The following PRKAR1A variants were observed in gnomAD, a reference collection of about 807,000 sequenced individuals.
PRKAR1A encodes the protein protein kinase cAMP-dependent type I regulatory subunit alpha, also known as cAMP-dependent protein kinase type I-alpha regulatory subunit.
A neutral mutation model predicts 52.0 loss-of-function variants in PRKAR1A; 3 were observed. The observed-to-expected ratio is 0.06, with a 90% CI of 0.03 to 0.15. The LOEUF (loss-of-function observed/expected upper bound fraction) is 0.15, where lower values mean the gene tolerates loss of function less well. Ranked by LOEUF, PRKAR1A falls within the 10% of genes least tolerant of loss-of-function variation. The probability of loss-of-function intolerance (pLI) is 1.00; values close to 1 mark genes in which losing one functional copy is unlikely to be tolerated. For missense variants in PRKAR1A, 240 were observed against 477.4 expected (o/e 0.50, Z 4.63); for synonymous variants, 188 against 168.4 (o/e 1.12, Z -0.90).
At chr17:68,539,134 G>A (rs189123061) in intron 11 of PRKAR1A, among the ~76,000 whole-genome samples, 1 of 152,150 alleles carries the variant, frequency 6.6e-6, no homozygotes, top group Admixed American at 6.5e-5. Flanking sequence ...TTAATCTTAT[G>A]AGACCACCGT....
chr17:68,424,319 T>C, the PRKAR1A span: 10 of 437,164 alleles, frequency 2.3e-5, no homozygotes, highest in Middle Eastern at 1.1e-3. Flanking sequence ...ATGTGGGAAA[T>C]CACAAAACAA....
chr17:68,477,703 T>A, the PRKAR1A span, among the ~76,000 whole-genome samples: 1 of 151,964 alleles, frequency 6.6e-6, no homozygotes. Context: ...TCTTGTTTTT[T>A]TTTTTGGTAT....
At chr17:68,451,004 G>A in the PRKAR1A span, 16 of 1,422,596 alleles carry the variant, frequency 1.1e-5, no homozygotes, top group East Asian at 5.0e-5. Flanking sequence ...AAGGTTCTCC[G>A]GGTCTTGCCG....
chr17:68,533,948 C>T (rs182843464), downstream of PRKAR1A, among the ~76,000 whole-genome samples: 42 of 152,262 alleles, frequency 2.8e-4, no homozygotes, highest in African/African-American at 9.6e-4. Flanking sequence ...AGGCTGGTCT[C>T]GAACTCCTAA....
the PRKAR1A span, among the ~76,000 whole-genome samples, chr17:68,454,594 G>A: frequency 6.6e-6 from 1 of 152,220 alleles, no homozygotes; most frequent in Non-Finnish European, 1.5e-5. Flanking sequence ...TTAGTACCTA[G>A]ACTGAGGTAT....
the PRKAR1A span, among the ~76,000 whole-genome samples, chr17:68,506,656 G>C: frequency 1.3e-5 from 2 of 151,904 alleles, no homozygotes; most frequent in African/African-American, 4.8e-5. Context: ...GCTAATTTTT[G>C]TATTTTTAGT....
At chr17:68,477,666 G>C in the PRKAR1A span, among the ~76,000 whole-genome samples, 1 of 150,218 alleles carries the variant, frequency 6.7e-6, no homozygotes, top group Non-Finnish European at 1.5e-5. Context: ...TCCTATGTTC[G>C]ATCTAATGCT....
chr17:68,519,805 C>A (rs1411303809), intron 2 of PRKAR1A, among the ~76,000 whole-genome samples: 1 of 152,166 alleles, frequency 6.6e-6, no homozygotes, highest in Non-Finnish European at 1.5e-5. Flanking sequence ...TAACAGTGAC[C>A]TTGTGTCTGC....
the PRKAR1A span, among the ~76,000 whole-genome samples, chr17:68,487,173 G>C: frequency 1.4e-4 from 22 of 152,180 alleles, no homozygotes; most frequent in Admixed American, 1.4e-3. Flanking sequence ...CGCCCGGCCT[G>C]TTATGTGAAT....
the PRKAR1A span, among the ~76,000 whole-genome samples, chr17:68,439,685 A>T: frequency 1.3e-5 from 2 of 152,216 alleles, no homozygotes; most frequent in African/African-American, 4.8e-5. Flanking sequence ...AGGAATATTT[A>T]TCTGGTTAGA....
At chr17:68,414,202 A>G in the PRKAR1A span, 4 of 152,076 alleles carry the variant, frequency 2.6e-5, no homozygotes, top group African/African-American at 9.7e-5. Context: ...TTGTATGCCG[A>G]TTTTGCTGAG....
intron 11 of PRKAR1A, chr17:68,540,631 TTA>T (rs2086243810): frequency 1.5e-6 from 1 of 657,844 alleles, no homozygotes; most frequent in Non-Finnish European, 2.8e-6. Flanking sequence ...GATGCCTGCC[TTA>T]TGAGTGACGA....
the PRKAR1A span, among the ~76,000 whole-genome samples, chr17:68,414,966 T>C: frequency 5.9e-5 from 9 of 152,224 alleles, no homozygotes; most frequent in Non-Finnish European, 8.8e-5. Context: ...ATTTTATTCA[T>C]ATTTTCAAAG....
the PRKAR1A span, among the ~76,000 whole-genome samples, chr17:68,484,996 T>C: frequency 6.6e-6 from 1 of 152,244 alleles, no homozygotes; most frequent in Non-Finnish European, 1.5e-5. Context: ...ATTTAGTTTG[T>C]AAGAGATCCA....
At chr17:68,436,501 A>C in the PRKAR1A span, 2 of 1,607,402 alleles carry the variant, frequency 1.2e-6, no homozygotes, top group Non-Finnish European at 1.7e-6. Context: ...GAAACAGAAC[A>C]TGAGAAGCCT....
chr17:68,496,196 C>G, the PRKAR1A span, among the ~76,000 whole-genome samples: 3 of 147,372 alleles, frequency 2.0e-5, no homozygotes, highest in Non-Finnish European at 4.5e-5. Context: ...CGTGTACCAC[C>G]ACGCCTGGCT....
downstream of PRKAR1A, chr17:68,536,361 G>A (rs946196164): frequency 6.6e-6 from 3 of 453,924 alleles, no homozygotes; most frequent in African/African-American, 2.0e-5. Context: ...ACTGTCCTTT[G>A]TGTTTTCGGT....
chr17:68,464,689 A>C, the PRKAR1A span, among the ~76,000 whole-genome samples: 1 of 53,774 alleles, frequency 1.9e-5, no homozygotes, highest in African/African-American at 8.1e-5. Flanking sequence ...CTCTGTCTCA[A>C]AAAAAAAAAC....
At chr17:68,539,682 G>C (rs1466951677) in intron 11 of PRKAR1A, among the ~76,000 whole-genome samples, 1 of 152,272 alleles carries the variant, frequency 6.6e-6, no homozygotes, top group East Asian at 1.9e-4. Context: ...GGGCACACGA[G>C]TGCTCTCAGG....
Sources: gnomAD v4.1 joint callset for allele counts (sites outside exome capture counted in the v4.1 genomes callset) on GRCh38, gnomAD v4.1.1 for gene constraint, MANE v1.5 for transcripts, NCBI Gene and HGNC (gene_info 2026-07-23, HGNC 2026-07-21) for gene names.